The following PARD3 variants were observed in gnomAD, a reference collection of about 807,000 sequenced individuals.
PARD3 encodes par-3 family cell polarity regulator.
A neutral mutation model predicts 155.4 loss-of-function variants in PARD3; 75 were observed. The observed-to-expected ratio is 0.48, with a 90% confidence interval of 0.40 to 0.58. The LOEUF is 0.58. Ranked by LOEUF, PARD3 falls within the 20% of genes least tolerant of loss-of-function variation. PARD3 has a pLI of 0.00. For synonymous variants in PARD3, 576 were observed against 610.5 expected (o/e 0.94, Z 0.83); for missense variants, 1,642 against 1,721.7 (o/e 0.95, Z 0.82).
intron 1 of PARD3, among the ~76,000 whole-genome samples, chr10:34,812,794 C>T (rs2134442629): frequency 6.6e-6 from 1 of 152,318 alleles, no homozygotes; most frequent in Non-Finnish European, 1.5e-5. Context: ...TATCACCCTC[C>T]CTTCCTTCAG....
intron 2 of PARD3, among the ~76,000 whole-genome samples, chr10:34,579,595 T>TGTGTGTGTGTGTGTG (rs1590094034): frequency 6.6e-6 from 1 of 150,726 alleles, no homozygotes; most frequent in Non-Finnish European, 1.5e-5. Context: ...TGTGTGTGTG[T>TGTGTGTGTGTGTGTG]TTTGACACGG....
intron 1 of PARD3, among the ~76,000 whole-genome samples, chr10:34,730,176 G>C (rs2094791643): frequency 6.6e-6 from 1 of 152,036 alleles, no homozygotes; most frequent in Non-Finnish European, 1.5e-5. Flanking sequence ...TCTCCCTCAT[G>C]AACTAAGGTA....
chr10:34,457,120 G>A (rs889682158), intron 4 of PARD3, among the ~76,000 whole-genome samples: 1 of 152,120 alleles, frequency 6.6e-6, no homozygotes, highest in Non-Finnish European at 1.5e-5. Flanking sequence ...TCTTGTTAAC[G>A]GTCTTATCAA....
chr10:34,360,192 G>A lies in PARD3; in HGVS notation c.1775C>T (p.Pro592Leu). 1 of 1,613,670 alleles carries A rather than the reference G, an allele frequency of 6.2e-7. No homozygotes were observed. The highest frequency in any genetic ancestry group is 8.5e-7 in the Non-Finnish European group (1 of 1,179,628). The stretch of plus-strand genomic sequence containing the variant: ...GCCTGCAGATCCTGAATCATTAAGT[G>A]GGACTTCAAATGTCAGAAATTCCCT... ...GTREFLTFEV[P>L]LNDSGSAGLG... is the part of the protein sequence containing the mutation. Residue 592 changes from proline to leucine, a missense_variant, in exon 13 of 25, where the codon CCA becomes CTA. Pro to Leu is a moderately conservative substitution (Grantham distance 98, BLOSUM62 -3). This residue lies in a region of PARD3 where 1,529 missense variants were observed against 1,587.3 expected (regional missense o/e 0.96). Coordinates refer to ENST00000374788, the MANE Select transcript of PARD3 (RefSeq NM_001184785.2).
intron 2 of PARD3, among the ~76,000 whole-genome samples, chr10:34,658,955 C>G (rs751375885): frequency 1.3e-4 from 20 of 152,212 alleles, no homozygotes; most frequent in Non-Finnish European, 2.8e-4. Context: ...TCACAGAAGA[C>G]ATGCTAAATT....
At chr10:34,721,570 A>C (rs1307221292) in intron 1 of PARD3, among the ~76,000 whole-genome samples, 2 of 152,232 alleles carry the variant, frequency 1.3e-5, no homozygotes, top group Non-Finnish European at 2.9e-5. Context: ...TGATAAGCTG[A>C]GTGACCAGGG....
chr10:34,769,307 C>G (rs1838533718), intron 1 of PARD3, among the ~76,000 whole-genome samples: 1 of 152,164 alleles, frequency 6.6e-6, no homozygotes, highest in Non-Finnish European at 1.5e-5. Flanking sequence ...AGCTTATCTG[C>G]CCACCCCTAT....
At chr10:34,485,491 A>T (rs568350462) in intron 3 of PARD3, among the ~76,000 whole-genome samples, 1 of 152,190 alleles carries the variant, frequency 6.6e-6, no homozygotes, top group Non-Finnish European at 1.5e-5. Context: ...CAATCAATAC[A>T]TGTAAGGTGT....
intron 22 of PARD3, among the ~76,000 whole-genome samples, chr10:34,221,332 GC>G (rs1335595749): frequency 2.0e-5 from 3 of 151,038 alleles, no homozygotes; most frequent in Admixed American, 2.0e-4. Context: ...TGGGAGTTCC[GC>G]AGAGGTGCTG....
intron 2 of PARD3, among the ~76,000 whole-genome samples, chr10:34,694,154 G>GAAA (rs565930938): frequency 8.3e-6 from 1 of 120,282 alleles, no homozygotes. Flanking sequence ...AGAGGGAGAA[G>GAAA]AAAAAAAAAA....
At chr10:34,390,372 C>T (rs1255148075) in intron 7 of PARD3, among the ~76,000 whole-genome samples, 1 of 152,098 alleles carries the variant, frequency 6.6e-6, no homozygotes, top group African/African-American at 2.4e-5. Context: ...CACCAGAATA[C>T]CAAGCACCAC....
chr10:34,285,846 C>A (rs1315848873), intron 20 of PARD3, among the ~76,000 whole-genome samples: 1 of 152,040 alleles, frequency 6.6e-6, no homozygotes, highest in Non-Finnish European at 1.5e-5. Flanking sequence ...AGGTAAAACA[C>A]CACCACCACT....
chr10:34,486,910 T>C (rs1396525862), intron 3 of PARD3, among the ~76,000 whole-genome samples: 1 of 152,180 alleles, frequency 6.6e-6, no homozygotes, highest in East Asian at 1.9e-4. Flanking sequence ...GTGAACTTCA[T>C]ACTGGCAGTC....
intron 22 of PARD3, among the ~76,000 whole-genome samples, chr10:34,261,697 AAAGGAAGAAAGGAAGG>A (rs774093913): frequency 0.47 from 55,033 of 116,700 alleles, 12,816 homozygotes; most frequent in Middle Eastern, 0.59. Flanking sequence ...TCAAAGAAAG[AAAGGAAGAAAGGAAGG>A]AAGAAAGGAA....
At chr10:34,602,472 A>T (rs1341356165) in intron 2 of PARD3, among the ~76,000 whole-genome samples, 3 of 152,236 alleles carry the variant, frequency 2.0e-5, no homozygotes, top group African/African-American at 7.2e-5. Context: ...CTGGATGTCA[A>T]CTACACTAGG....
At chr10:34,161,838 C>T (rs550143164) in intron 22 of PARD3, among the ~76,000 whole-genome samples, 1 of 152,244 alleles carries the variant, frequency 6.6e-6, no homozygotes, top group South Asian at 2.1e-4. Flanking sequence ...ATCCAAGTGC[C>T]CACTCAATTC....
chr10:34,357,526 T>C lies in PARD3; in HGVS notation c.2067+1621A>G, dbSNP rs542998870. Among the ~76,000 whole-genome samples the C allele has an allele frequency of 7.9e-5, 12 of 152,302 alleles. No individual in the cohort carries two copies. In the East Asian group the frequency reaches 1.4e-3, roughly 17 times the overall value. ...GTTTTGTAAACTTACAGTTGAGATG[T>C]TTTCATATAGTGCTTTGTGGGACTT... On this transcript the variant is annotated intron_variant, in intron 14 of 24. Transcript: ENST00000374788.
intron 20 of PARD3, among the ~76,000 whole-genome samples, chr10:34,314,519 A>G (rs746070838): frequency 1.4e-4 from 22 of 152,218 alleles, no homozygotes; most frequent in Non-Finnish European, 2.9e-4. Flanking sequence ...GCCCAGGGGC[A>G]CTAGACAAGA....
At chr10:34,687,540 G>C (rs183605225) in intron 2 of PARD3, among the ~76,000 whole-genome samples, 2 of 152,096 alleles carry the variant, frequency 1.3e-5, no homozygotes, top group Non-Finnish European at 2.9e-5. Context: ...TTCAAACTGA[G>C]TTTACACAGC....
Sources: allele counts gnomAD v4.1 joint callset (sites outside exome capture counted in the v4.1 genomes callset), GRCh38; gene constraint gnomAD v4.1.1; regional missense constraint gnomAD v4.1.1; transcripts MANE v1.5; gene names NCBI Gene and HGNC (gene_info 2026-07-23, HGNC 2026-07-21).